RFX3: variants seen among roughly 807,000 people sequenced by gnomAD.
The protein encoded by RFX3 is transcription factor RFX3.
A neutral mutation model predicts 98.6 loss-of-function variants in RFX3; 14 were observed. The observed-to-expected ratio is 0.14, with a 90% CI of 0.09 to 0.22. RFX3 has a LOEUF of 0.22. RFX3 is among the 10% of genes least tolerant of loss of function. The pLI is 1.00. For missense variants in RFX3, 639 were observed against 926.9 expected, an observed-to-expected ratio of 0.69 and a Z score of 4.03; for synonymous variants, 383 against 328.4, an observed-to-expected ratio of 1.17 and a Z score of -1.80.
chr9:3,385,939 GA>G (rs1345775373), intron 2 of RFX3, among the ~76,000 whole-genome samples: 2 of 151,994 alleles, frequency 1.3e-5, no homozygotes, highest in Non-Finnish European at 2.9e-5. Context: ...TAAAATGATG[GA>G]GGTATCTTTA....
intron 1 of RFX3, among the ~76,000 whole-genome samples, chr9:3,450,477 A>C (rs577646701): frequency 8.5e-5 from 13 of 152,292 alleles, no homozygotes; most frequent in African/African-American, 2.9e-4. Context: ...TTAGTGATAC[A>C]AAAGAAAGTA....
intron 13 of RFX3, among the ~76,000 whole-genome samples, chr9:3,262,563 G>A (rs966556244): frequency 6.6e-6 from 1 of 152,160 alleles, no homozygotes; most frequent in African/African-American, 2.4e-5. Context: ...GGTGTTGTAA[G>A]GTGGGGAAAG....
At chr9:3,430,433 G>A (rs1325185454) in intron 1 of RFX3, among the ~76,000 whole-genome samples, 1 of 152,142 alleles carries the variant, frequency 6.6e-6, no homozygotes, top group Non-Finnish European at 1.5e-5. Context: ...AAATAAGATA[G>A]AGATATAAAC....
chr9:3,256,940 A>C, intron 14 of RFX3, 51 bp downstream of exon 14: 3 of 1,476,694 alleles, frequency 2.0e-6, no homozygotes, highest in Non-Finnish European at 2.8e-6. Flanking sequence ...ACATACACAC[A>C]CATATTTGCA....
chr9:3,382,078 G>C (rs954281829), intron 2 of RFX3, among the ~76,000 whole-genome samples: 5 of 152,060 alleles, frequency 3.3e-5, no homozygotes, highest in Non-Finnish European at 7.4e-5. Flanking sequence ...CTGTCACTCA[G>C]GCTAGAGATG....
chr9:3,355,911 G>A (rs184246465), intron 2 of RFX3, among the ~76,000 whole-genome samples: 83 of 151,786 alleles, frequency 5.5e-4, no homozygotes, highest in Admixed American at 5.2e-3. Flanking sequence ...TTTGTAAAAC[G>A]AACAATATAC....
At chr9:3,240,331 T>TA (rs1819748648) in intron 15 of RFX3, among the ~76,000 whole-genome samples, 1 of 152,316 alleles carries the variant, frequency 6.6e-6, no homozygotes, top group South Asian at 2.1e-4. Flanking sequence ...TTTATGCAAG[T>TA]AAAACTATTG....
chr9:3,315,684 A>G (rs746267707), intron 4 of RFX3, among the ~76,000 whole-genome samples: 1 of 152,188 alleles, frequency 6.6e-6, no homozygotes, highest in Non-Finnish European at 1.5e-5. Flanking sequence ...AAAAAATGAT[A>G]AAGGGGATAT....
chr9:3,485,998 G>T (rs999291700), intron 1 of RFX3, among the ~76,000 whole-genome samples: 1 of 151,756 alleles, frequency 6.6e-6, no homozygotes, highest in Non-Finnish European at 1.5e-5. Context: ...GTGGCGCATT[G>T]CCTGTAATCC....
At chr9:3,404,935 T>C (rs578156455) in intron 1 of RFX3, among the ~76,000 whole-genome samples, 9 of 152,316 alleles carry the variant, frequency 5.9e-5, no homozygotes, top group African/African-American at 1.9e-4. Context: ...TGACACTTTG[T>C]TATTTAGTTT....
At chr9:3,332,313 C>T (rs34885235) in intron 3 of RFX3, among the ~76,000 whole-genome samples, 6,487 of 152,176 alleles carry the variant, frequency 0.043, 153 homozygotes, top group Non-Finnish European at 0.053. Context: ...AATTATGTTT[C>T]ATATACACCT....
intron 2 of RFX3, among the ~76,000 whole-genome samples, chr9:3,350,598 C>T (rs1834990545): frequency 6.6e-6 from 1 of 152,072 alleles, no homozygotes; most frequent in African/African-American, 2.4e-5. Context: ...TACGTATACA[C>T]AAAAACAGGC....
At chr9:3,462,772 T>C (rs938149475) in intron 1 of RFX3, among the ~76,000 whole-genome samples, 2 of 152,102 alleles carry the variant, frequency 1.3e-5, no homozygotes, top group Non-Finnish European at 2.9e-5. Context: ...AATACTAGCA[T>C]TGCTAATATT....
intron 1 of RFX3, among the ~76,000 whole-genome samples, chr9:3,462,779 T>C (rs2133080818): frequency 6.6e-6 from 1 of 152,246 alleles, no homozygotes; most frequent in Middle Eastern, 3.4e-3. Context: ...GCATTGCTAA[T>C]ATTGCATTGC....
intron 1 of RFX3, among the ~76,000 whole-genome samples, chr9:3,491,655 A>G (rs894580673): frequency 6.6e-6 from 1 of 152,172 alleles, no homozygotes; most frequent in African/African-American, 2.4e-5. Flanking sequence ...TTCTTTGAAC[A>G]TATCTTTCAC....
At chr9:3,444,991 T>C (rs77522667) in intron 1 of RFX3, among the ~76,000 whole-genome samples, 10,503 of 152,188 alleles carry the variant, frequency 0.069, 1,051 homozygotes, top group African/African-American at 0.22. Flanking sequence ...TAATGCCACT[T>C]ATTAGGAAAA....
chr9:3,499,930 G>A (rs1815794615), intron 1 of RFX3, among the ~76,000 whole-genome samples: 1 of 152,014 alleles, frequency 6.6e-6, no homozygotes, highest in Non-Finnish European at 1.5e-5. Context: ...ACTATTCTGA[G>A]CTGGGAACCC....
intron 4 of RFX3, among the ~76,000 whole-genome samples, chr9:3,311,255 G>C (rs185254878): frequency 4.2e-4 from 64 of 152,246 alleles, no homozygotes; most frequent in Non-Finnish European, 7.6e-4. Context: ...TTTAAATTTT[G>C]TTTGTATTTG....
At chr9:3,406,544 A>C (rs1232909440) in intron 1 of RFX3, among the ~76,000 whole-genome samples, 1 of 152,070 alleles carries the variant, frequency 6.6e-6, no homozygotes, top group Non-Finnish European at 1.5e-5. Context: ...GAATGCATGG[A>C]CTATCCTTAT....
Sources: gnomAD v4.1 joint callset for allele counts (sites outside exome capture counted in the v4.1 genomes callset) on GRCh38, gnomAD v4.1.1 for gene constraint, MANE v1.5 for transcripts, NCBI Gene and HGNC (gene_info 2026-07-23, HGNC 2026-07-21) for gene names.